The following PLCH1 variants were observed in gnomAD, a reference collection of about 807,000 sequenced individuals.
The protein encoded by PLCH1 is phospholipase C eta 1, also known as 1-phosphatidylinositol 4,5-bisphosphate phosphodiesterase eta-1.
Under a neutral mutation model 126.7 loss-of-function variants are expected in PLCH1, and 60 were observed. That is an observed-to-expected ratio of 0.47 (90% CI 0.38 to 0.59). PLCH1 has a LOEUF of 0.59. Ranked by LOEUF, PLCH1 falls within the 20% of genes least tolerant of loss-of-function variation. The probability of loss-of-function intolerance (pLI) is 0.00; values close to 1 mark genes in which losing one functional copy is unlikely to be tolerated. For missense variants in PLCH1, 1,723 were observed against 2,040.0 expected, an observed-to-expected ratio of 0.84 and a Z score of 2.99; for synonymous variants, 719 against 734.9, an observed-to-expected ratio of 0.98 and a Z score of 0.35.
intron 6 of PLCH1, among the ~76,000 whole-genome samples, chr3:155,582,538 C>T (rs939713899): frequency 5.9e-5 from 9 of 152,156 alleles, no homozygotes; most frequent in African/African-American, 2.2e-4. Context: ...TGTGTGAGTA[C>T]TGTAGAAAGA....
chr3:155,670,765 C>T (rs931209505), intron 2 of PLCH1, among the ~76,000 whole-genome samples: 1 of 152,160 alleles, frequency 6.6e-6, no homozygotes, highest in Non-Finnish European at 1.5e-5. Flanking sequence ...ACCATGTTCT[C>T]ACCTTGCTCT....
At chr3:155,486,251 C>T (rs1715069930) in intron 21 of PLCH1, 1 of 1,217,522 alleles carries the variant, frequency 8.2e-7, no homozygotes, top group Non-Finnish European at 1.2e-6. Flanking sequence ...AATTGGGGCT[C>T]ATTGAAGAGG....
intron 2 of PLCH1, among the ~76,000 whole-genome samples, chr3:155,645,704 G>C (rs1255325112): frequency 6.6e-6 from 1 of 151,596 alleles, no homozygotes; most frequent in Non-Finnish European, 1.5e-5. Flanking sequence ...TTGAACTCCA[G>C]TCCTCCTGCC....
intron 12 of PLCH1, among the ~76,000 whole-genome samples, chr3:155,514,444 T>C (rs577639179): frequency 6.6e-6 from 1 of 152,302 alleles, no homozygotes; most frequent in Admixed American, 6.5e-5. Flanking sequence ...GGGCTGAAAC[T>C]TCTTCCCTCA....
At chr3:155,710,736 G>A (rs1747054341) in intron 1 of PLCH1, among the ~76,000 whole-genome samples, 1 of 151,898 alleles carries the variant, frequency 6.6e-6, no homozygotes, top group Non-Finnish European at 1.5e-5. Context: ...AGGAGGCTGA[G>A]GAAGGAGAAT....
chr3:155,473,690 A>G (rs1040970601), intron 21 of PLCH1, among the ~76,000 whole-genome samples: 7 of 152,018 alleles, frequency 4.6e-5, no homozygotes, highest in African/African-American at 1.7e-4. Flanking sequence ...ACAAGGCTAC[A>G]GTAACCAAAA....
intron 10 of PLCH1, among the ~76,000 whole-genome samples, chr3:155,524,920 G>A (rs181847948): frequency 4.6e-5 from 7 of 152,284 alleles, no homozygotes; most frequent in Admixed American, 3.9e-4. Flanking sequence ...AGGAGGTTGA[G>A]GCAGGAGGAT....
chr3:155,710,757 C>T (rs1227247503), intron 1 of PLCH1, among the ~76,000 whole-genome samples: 1 of 151,082 alleles, frequency 6.6e-6, no homozygotes, highest in Non-Finnish European at 1.5e-5. Context: ...GGCTTGAACC[C>T]GGGAGGCAGA....
chr3:155,625,514 G>A (rs557430280), intron 2 of PLCH1, among the ~76,000 whole-genome samples: 10 of 151,500 alleles, frequency 6.6e-5, no homozygotes, highest in African/African-American at 2.4e-4. Context: ...AATCTACAAA[G>A]AATTTAAACA....
intron 8 of PLCH1, among the ~76,000 whole-genome samples, chr3:155,560,902 G>A (rs2108495766): frequency 6.6e-6 from 1 of 152,178 alleles, no homozygotes; most frequent in East Asian, 1.9e-4. Flanking sequence ...CCCTGGCTAA[G>A]CACCAGCTTA....
chr3:155,462,087 C>A (rs1448508192), intron 21 of PLCH1, among the ~76,000 whole-genome samples: 2 of 152,184 alleles, frequency 1.3e-5, no homozygotes, highest in Non-Finnish European at 2.9e-5. Context: ...TTGTGTTCCA[C>A]TGAACTGGAA....
chr3:155,629,844 C>T (rs1051856416), intron 2 of PLCH1, among the ~76,000 whole-genome samples: 4 of 152,236 alleles, frequency 2.6e-5, no homozygotes, highest in Non-Finnish European at 4.4e-5. Context: ...TTCCCCAGCA[C>T]ACTTTGCACT....
Position 155,562,423 on chromosome 3 carries a change from C to T in PLCH1, c.1069+2492G>A, listed in dbSNP as rs778083740. Among the ~76,000 whole-genome samples, 3 of 152,230 alleles carry T rather than the reference C, an allele frequency of 2.0e-5. 1 individual carries two copies. The highest frequency in any genetic ancestry group is 7.2e-5 in the African/African-American group (3 of 41,536). ...TCCACTTCGCTTCCTTTCCTAGAAC[C>T]ATGGAGCCCCTGTCAGTTACTTATA... On this transcript the variant is annotated intron_variant, in intron 8 of 22. Transcript: ENST00000460012.
intron 11 of PLCH1, among the ~76,000 whole-genome samples, chr3:155,523,545 C>T (rs9877465): frequency 0.58 from 88,515 of 151,906 alleles, 25,929 homozygotes; most frequent in Middle Eastern, 0.63. Flanking sequence ...GCTGCTAGCA[C>T]GAGGTAGGGA....
intron 2 of PLCH1, among the ~76,000 whole-genome samples, chr3:155,632,049 A>G (rs2176720): frequency 0.015 from 2,311 of 152,302 alleles, 22 homozygotes; most frequent in Middle Eastern, 0.024. Flanking sequence ...TTTAAACCTA[A>G]GCCAGTCTGG....
intron 1 of PLCH1, among the ~76,000 whole-genome samples, chr3:155,709,005 C>T (rs753737108): frequency 2.6e-5 from 4 of 152,128 alleles, no homozygotes; most frequent in Non-Finnish European, 5.9e-5. Context: ...TTGCCTTTTC[C>T]GGGATGTCTT....
At chr3:155,685,469 A>T (rs1744865791) in intron 2 of PLCH1, among the ~76,000 whole-genome samples, 1 of 152,230 alleles carries the variant, frequency 6.6e-6, no homozygotes, top group South Asian at 2.1e-4. Flanking sequence ...TCCTTAGGAG[A>T]AAAAGAGAAA....
chr3:155,458,429 G>A (rs1483123564), intron 21 of PLCH1, among the ~76,000 whole-genome samples: 3 of 75,634 alleles, frequency 4.0e-5, no homozygotes, highest in African/African-American at 1.9e-4. Context: ...AAGGAAGGAA[G>A]GAAGGAAGGA....
At chr3:155,521,011 G>T (rs1258573304) in intron 11 of PLCH1, among the ~76,000 whole-genome samples, 1 of 152,128 alleles carries the variant, frequency 6.6e-6, no homozygotes, top group African/African-American at 2.4e-5. Flanking sequence ...TGGCCTTTGC[G>T]CTTGGGGTTC....
Sources: gnomAD v4.1 joint callset for allele counts (sites outside exome capture counted in the v4.1 genomes callset) on GRCh38, gnomAD v4.1.1 for gene constraint, MANE v1.5 for transcripts, NCBI Gene and HGNC (gene_info 2026-07-23, HGNC 2026-07-21) for gene names.